Variants in ZRANB1 observed in about 807,000 individuals in gnomAD.
ZRANB1 encodes the protein ubiquitin thioesterase ZRANB1.
ZRANB1 carries 16 observed loss-of-function variants against 80.5 expected under a neutral mutation model. The observed-to-expected ratio is 0.20, with a 90% confidence interval of 0.13 to 0.30. The LOEUF (loss-of-function observed/expected upper bound fraction) is 0.30. ZRANB1 is among the 10% of genes least tolerant of loss of function. ZRANB1 has a pLI of 1.00. For missense variants in ZRANB1, 576 were observed against 862.6 expected (o/e 0.67, Z 4.16); for synonymous variants, 291 against 293.1 (o/e 0.99, Z 0.07).
At chr10:124,958,467 A>G (rs1951704242) in intron 1 of ZRANB1, among the ~76,000 whole-genome samples, 2 of 152,240 alleles carry the variant, frequency 1.3e-5, no homozygotes, top group Non-Finnish European at 2.9e-5. Flanking sequence ...AAGAAAAGCT[A>G]TGAAAAAATA....
At position 124,983,093 on chromosome 10, in the gene ZRANB1, A is replaced by AG; in HGVS notation, c.1549-78dup. On this transcript the variant is annotated intron_variant, in intron 6 of 8. Transcript: ENST00000359653. This position sits in a 1 kb window ranked among gnomAD's most constrained non-coding sequence, Gnocchi z 6.2. ...AAAACCAACTGCGATAGTATACTGA[A>AG]GGGGAGGTAGTATTGTTTTTTACAC... 1.4e-6 allele frequency: 2 copies of AG among 1,421,326 alleles called. No homozygotes were observed. Among genetic ancestry groups the AG allele is most frequent in the Admixed American group, 2.3e-5 (1 of 44,260 alleles). 88.0% of individuals were successfully genotyped at this position (1,421,326 alleles called of 1,614,324 possible).
chr10:124,963,265 C>CAAAAA (rs397844792), intron 1 of ZRANB1, among the ~76,000 whole-genome samples: 2 of 62,366 alleles, frequency 3.2e-5, no homozygotes, highest in African/African-American at 1.1e-4. Flanking sequence ...GACTCTGTCT[C>CAAAAA]AAAAAAAAAA....
chr10:124,954,252 C>A (rs1159943170), intron 1 of ZRANB1, among the ~76,000 whole-genome samples: 2 of 143,368 alleles, frequency 1.4e-5, no homozygotes, highest in Non-Finnish European at 3.0e-5. Flanking sequence ...TCCCAAAGCT[C>A]TGGGATTACA....
intron 3 of ZRANB1, among the ~76,000 whole-genome samples, chr10:124,973,150 T>C (rs557238180): frequency 6.6e-6 from 1 of 152,308 alleles, no homozygotes; most frequent in East Asian, 1.9e-4. Context: ...TTTAAAAATT[T>C]ATTTTTTATT....
At chr10:124,970,324 A>G (rs10751611) in intron 2 of ZRANB1, among the ~76,000 whole-genome samples, 96,205 of 152,006 alleles carry the variant, frequency 0.63, 32,455 homozygotes, top group Non-Finnish European at 0.75. Context: ...GGGAGTGATC[A>G]TGGCTCACTG....
the ZRANB1 span, among the ~76,000 whole-genome samples, chr10:124,932,831 G>A: frequency 1.1e-4 from 16 of 152,158 alleles, no homozygotes; most frequent in South Asian, 4.2e-4. Flanking sequence ...CCAAAGTGCT[G>A]GGATTATAGG....
intron 1 of ZRANB1, among the ~76,000 whole-genome samples, chr10:124,948,845 C>T (rs748106305): frequency 2.0e-5 from 3 of 152,190 alleles, no homozygotes; most frequent in Non-Finnish European, 4.4e-5. Context: ...ACTAGGCACT[C>T]AGGTATTTTT....
the ZRANB1 span, among the ~76,000 whole-genome samples, chr10:124,930,788 A>G: frequency 6.6e-6 from 1 of 152,158 alleles, no homozygotes; most frequent in Non-Finnish European, 1.5e-5. Context: ...TAAACCCAGC[A>G]CTTTGGAAGG....
rs1951960369 is a variant in ZRANB1, at chr10:124,983,455, C to CCA, written c.1679-3_1679-2dup. ...TGTTGGGATTTTCTTCCCTCTCTTT[C>CCA]CAGGTGTTTATCTGCCTTTGTTGTG... On this transcript the variant is annotated splice_polypyrimidine_tract_variant and splice_region_variant and intron_variant, in intron 7 of 8. Transcript: ENST00000359653. The surrounding 1 kb of genome is among the most constrained non-coding windows in gnomAD (Gnocchi z 6.2). 6.2e-7 allele frequency: 1 copy of CCA among 1,607,590 alleles called. No individual in the cohort carries two copies. Among genetic ancestry groups the CCA allele is most frequent in the African/African-American group, 1.3e-5 (1 of 74,686 alleles).
chr10:124,966,718 T>C lies in ZRANB1; in HGVS notation c.939T>C (p.Tyr313=). 3 of 1,614,204 alleles carry C rather than the reference T, an allele frequency of 1.9e-6. No homozygotes were observed. Among genetic ancestry groups the C allele is most frequent in the Non-Finnish European group, 2.5e-6 (3 of 1,180,026 alleles). ...GTCCTTCTGCCTTTGATGTTGGCTA[T>C]ACTCTTGTACACTTGGCTATACGTT... ...LNRPSAFDVG[Y]TLVHLAIRFQ... The change falls in exon 2 of 9, where the codon TAT becomes TAC. Residue 313 remains tyrosine, a synonymous_variant. Transcript: ENST00000359653.
At chr10:124,972,296 A>G (rs1410541268) in intron 3 of ZRANB1, among the ~76,000 whole-genome samples, 178 bp downstream of exon 3, 1 of 152,224 alleles carries the variant, frequency 6.6e-6, no homozygotes, top group Non-Finnish European at 1.5e-5. Flanking sequence ...ACTTGTTAGG[A>G]AATGCGTCTG....
In ZRANB1 at chr10:124,974,267, G is replaced by A. The variant is rs144525761; in HGVS notation, c.1296G>A (p.Leu432=). 6.2e-7 allele frequency: 1 copy of A among 1,614,228 alleles called. No individual in the cohort carries two copies. Among genetic ancestry groups the A allele is most frequent in the Admixed American group, 1.7e-5 (1 of 60,032 alleles). The change falls in exon 5 of 9, where the codon CTG becomes CTA. Residue 432 remains leucine (L), a synonymous_variant. Coordinates refer to ENST00000359653, the MANE Select transcript of ZRANB1 (RefSeq NM_017580.3). The part of the protein sequence containing the change: ...LELATRLDSR[L]YALWNRTAGD... ...TGGCTACACGTTTGGACAGTCGACT[G>A]TATGCACTTTGGAACCGGACTGCAG...
chr10:124,926,881 AATCTT>A, the ZRANB1 span, among the ~76,000 whole-genome samples: 1 of 152,184 alleles, frequency 6.6e-6, no homozygotes, highest in Non-Finnish European at 1.5e-5. Context: ...TTTGTTATAT[AATCTT>A]ATGGGGACTA....
At chr10:124,984,597 A>C (rs1951991611) in intron 8 of ZRANB1, 177 bp from the exon 9 acceptor site, 1 of 588,812 alleles carries the variant, frequency 1.7e-6, no homozygotes, top group Non-Finnish European at 2.9e-6. Context: ...TTTAAATTTA[A>C]CCAGAGCAAA....
At chr10:124,928,248 C>A in the ZRANB1 span, among the ~76,000 whole-genome samples, 2 of 152,064 alleles carry the variant, frequency 1.3e-5, no homozygotes, top group Non-Finnish European at 1.5e-5. Flanking sequence ...AATTACATGT[C>A]ATCTTTAGGG....
chr10:124,934,585 C>A, the ZRANB1 span, among the ~76,000 whole-genome samples: 3,962 of 152,172 alleles, frequency 0.026, 151 homozygotes, highest in African/African-American at 0.089. Context: ...GTAGTCTAAT[C>A]CCTTTAATTT....
At chr10:124,954,092 T>A (rs2134260193) in intron 1 of ZRANB1, among the ~76,000 whole-genome samples, 1 of 150,720 alleles carries the variant, frequency 6.6e-6, no homozygotes, top group African/African-American at 2.4e-5. Context: ...TTCAGCCTCC[T>A]GAGTAGCTGG....
rs1384394555 is a variant in ZRANB1 at position 124,987,146 on chromosome 10, A to ATAT, written c.*2158_*2160dup. The ATAT allele has an allele frequency of 1.3e-5, 2 of 152,556 alleles. No homozygotes were observed. The highest frequency in any genetic ancestry group is 2.4e-5 in the African/African-American group (1 of 41,404). 9.5% of individuals were successfully genotyped at this position (152,556 alleles called of 1,614,324 possible). On this transcript the variant is annotated 3_prime_UTR_variant, in exon 9 of 9. Transcript: ENST00000359653. ...CCAAAAATTTTGGTAAATCAATGCT[A>ATAT]TATTATGCTCTTGAACTATTAAAAC... is the stretch of plus-strand genomic sequence containing the variant.
intron 1 of ZRANB1, among the ~76,000 whole-genome samples, chr10:124,966,032 T>C (rs569085630): frequency 3.6e-4 from 55 of 152,350 alleles, no homozygotes; most frequent in African/African-American, 1.3e-3. Flanking sequence ...AAGACTTGGC[T>C]ATGAGAATCT....
Sources: gnomAD v4.1 joint callset for allele counts (sites outside exome capture counted in the v4.1 genomes callset) on GRCh38, gnomAD v4.1.1 for gene constraint, Gnocchi (gnomAD v3.1) non-coding constraint, MANE v1.5 for transcripts, NCBI Gene and HGNC (gene_info 2026-07-23, HGNC 2026-07-21) for gene names.